The following C20orf96 variants were observed in gnomAD, a reference collection of about 807,000 sequenced individuals.
C20orf96 encodes chromosome 20 open reading frame 96.
In C20orf96, 57 loss-of-function variants were observed where a neutral mutation model predicts 52.6. The ratio of observed to expected loss-of-function variants is 1.08; its 90% CI spans 0.88 to 1.35. The LOEUF is 1.35. C20orf96 is among the 40% of genes most tolerant of loss of function. C20orf96 has a pLI of 0.00. For synonymous variants in C20orf96, 168 were observed against 157.2 expected (o/e 1.07, Z -0.51); for missense variants, 478 against 443.6 (o/e 1.08, Z -0.70).
At chr20:287,699 C>T (rs1004579528) in intron 3 of C20orf96, among the ~76,000 whole-genome samples, 3 of 151,890 alleles carry the variant, frequency 2.0e-5, no homozygotes, top group South Asian at 2.1e-4. Context: ...GAGGCTGAGG[C>T]GGGCAGATTA....
chr20:289,469 C>T lies in C20orf96; in HGVS notation c.187+90G>A, dbSNP rs532121097. ...ATTGTTTATTACATCAGTTAGCCTA[C>T]CCTAATATAAGTGGTGTCACCAAGA... On this transcript the variant is annotated intron_variant, in intron 3 of 10. Transcript: ENST00000360321. The T allele has an allele frequency of 5.0e-6, 4 of 801,782 alleles. No homozygotes were observed. In the South Asian group the frequency reaches 5.5e-5, roughly 11 times the overall value. 49.7% of individuals were successfully genotyped at this position (801,782 alleles called of 1,614,324 possible). A position where few individuals can be genotyped will look rare whatever the true frequency, so the allele number is the denominator to read the frequency against.
intron 5 of C20orf96, 53 bp from the exon 6 acceptor site, chr20:278,482 C>T (rs1417875814): frequency 1.1e-5 from 15 of 1,422,736 alleles, no homozygotes; most frequent in African/African-American, 2.8e-5. Context: ...CTCTCAGAGG[C>T]GGCCACCCAG....
At chr20:272,877 T>C (rs1419192323) in intron 10 of C20orf96, among the ~76,000 whole-genome samples, 1 of 152,210 alleles carries the variant, frequency 6.6e-6, no homozygotes, top group African/African-American at 2.4e-5. Flanking sequence ...TCTGCCACAC[T>C]CTTGGCCAGG....
chr20:278,269 T>C, intron 6 of C20orf96, 61 bp downstream of exon 6: 1 of 1,246,680 alleles, frequency 8.0e-7, no homozygotes, highest in Non-Finnish European at 1.2e-6. Context: ...GTGAATGCTC[T>C]GCTGCTGACC....
Position 271,054 on chromosome 20 carries a change from G to A in C20orf96, c.*153C>T. 3 of 600,082 alleles carry A rather than the reference G, an allele frequency of 5.0e-6. No individual in the cohort carries two copies. The highest frequency in any genetic ancestry group is 3.9e-5 in the South Asian group (2 of 50,778). The allele number at this position is 600,082 out of a possible 1,614,324, so 37.2% of individuals were successfully genotyped here. ...GGGAAGGGGGGAAGAAGGGAGGGAG[G>A]GAGGGAGGGAAAGAAAGAGGGAGGA... On this transcript the variant is annotated 3_prime_UTR_variant, in exon 11 of 11. Transcript: ENST00000360321.
In C20orf96 at chr20:271,097, G is replaced by A; in HGVS notation, c.*110C>T. 1.1e-6 allele frequency: 1 copy of A among 883,994 alleles called. No individual in the cohort carries two copies. The highest frequency in any genetic ancestry group is 1.8e-6 in the Non-Finnish European group (1 of 549,320). 54.8% of individuals were successfully genotyped at this position (883,994 alleles called of 1,614,324 possible). ...AGGGAGGAAGGGCAGAGGGAGCAGG[G>A]AGACTGTAGATCAGGGTCTGAATGG... On this transcript the variant is annotated 3_prime_UTR_variant, in exon 11 of 11. Transcript: ENST00000360321.
Position 271,084 on chromosome 20 carries a change from C to G in C20orf96, c.*123G>C. On this transcript the variant is annotated 3_prime_UTR_variant, in exon 11 of 11. Coordinates refer to ENST00000360321, the MANE Select transcript of C20orf96 (RefSeq NM_153269.3). ...GAGGGAAAGAAAGAGGGAGGAAGGG[C>G]AGAGGGAGCAGGGAGACTGTAGATC... 1.3e-6 allele frequency: 1 copy of G among 755,952 alleles called. No individual in the cohort carries two copies. 46.8% of individuals were successfully genotyped at this position (755,952 alleles called of 1,614,324 possible). A position where few individuals can be genotyped will look rare whatever the true frequency, so the allele number is the denominator to read the frequency against.
chr20:278,296 G>C, intron 6 of C20orf96, 34 bp downstream of exon 6: 1 of 1,531,458 alleles, frequency 6.5e-7, no homozygotes, highest in Non-Finnish European at 9.1e-7. Flanking sequence ...AGGTGCCAGG[G>C]GGGAGGGTCA....
intron 9 of C20orf96, chr20:276,415 C>A: frequency 1.0e-6 from 1 of 985,230 alleles, no homozygotes; most frequent in Non-Finnish European, 1.2e-6. Flanking sequence ...AGTGAAGAGG[C>A]AAGATAATGA....
In C20orf96 at chr20:278,416, A is replaced by C. The variant is rs767775692; in HGVS notation, c.479T>G (p.Ile160Ser). 6.2e-7 allele frequency: 1 copy of C among 1,613,726 alleles called. No individual in the cohort carries two copies. Residue 160 changes from isoleucine (I) to serine (S), a missense_variant, in exon 6 of 11, where the codon ATC becomes AGC. Physicochemically the swap from Ile to Ser is moderately radical, Grantham distance 142 (BLOSUM62 -2). Transcript: ENST00000360321. ...CCTCTTCTTGTTTGAGTACTCCAAG[A>C]TGTCGATGATGGTCTGCGGGAGGGG... is the stretch of plus-strand genomic sequence containing the variant. ...QQDTLATIID[I>S]LEYSNKKRLQ...
In C20orf96 at chr20:274,081, T is replaced by C. The variant is rs191588165; in HGVS notation, c.1031+1887A>G. On this transcript the variant is annotated intron_variant, in intron 10 of 10. Transcript: ENST00000360321. ...AAAAGAAAAAAGAAATGTAGATTCA[T>C]GAGCCCCACTGAGACCTACTGACTT... Among the ~76,000 whole-genome samples, 9 of 152,258 alleles carry C rather than the reference T, an allele frequency of 5.9e-5. No individual in the cohort carries two copies. In the East Asian group the frequency reaches 9.6e-4, roughly 16 times the overall value.
At chr20:274,967 C>T (rs186315427) in intron 10 of C20orf96, among the ~76,000 whole-genome samples, 377 of 152,172 alleles carry the variant, frequency 2.5e-3, no homozygotes, top group African/African-American at 8.4e-3. Flanking sequence ...TACAGGCACC[C>T]GCCACCATGC....
Position 276,337 on chromosome 20 carries a change from G to A in C20orf96, c.913-251C>T, listed in dbSNP as rs1051564470. On this transcript the variant is annotated intron_variant, in intron 9 of 10. Transcript: ENST00000360321. ...AATGGAGACAGGTTACAAAGTGGCG[G>A]GGAATGCTCAATCATGGGAATGAAT... 2.0e-5 allele frequency: 20 copies of A among 985,398 alleles called. No individual in the cohort carries two copies. The African/African-American group carries it at 3.3e-4, about 16-fold the overall frequency. The allele number at this position is 985,398 out of a possible 1,614,324, so 61.0% of individuals were successfully genotyped here. A position where few individuals can be genotyped will look rare whatever the true frequency, so the allele number is the denominator to read the frequency against.
At chr20:280,516 T>C (rs2012226533) in intron 4 of C20orf96, among the ~76,000 whole-genome samples, 1 of 152,272 alleles carries the variant, frequency 6.6e-6, no homozygotes, top group African/African-American at 2.4e-5. Context: ...TTACTAACTC[T>C]ATTTTGCTGA....
chr20:273,700 AC>A (rs1163483584), intron 10 of C20orf96, among the ~76,000 whole-genome samples: 3 of 151,834 alleles, frequency 2.0e-5, no homozygotes, highest in Non-Finnish European at 4.4e-5. Flanking sequence ...ACATGGCAAA[AC>A]CCCGTTTCTA....
At chr20:276,763 C>T (rs367592807) in intron 9 of C20orf96, 30 bp downstream of exon 9, 3 of 1,604,550 alleles carry the variant, frequency 1.9e-6, no homozygotes, top group Non-Finnish European at 2.6e-6. Flanking sequence ...TGCTTCCCTA[C>T]AGGGACCACC....
At chr20:271,479 C>CACAT (rs2011839937) in intron 10 of C20orf96, among the ~76,000 whole-genome samples, 2 of 138,748 alleles carry the variant, frequency 1.4e-5, no homozygotes, top group African/African-American at 5.2e-5. Flanking sequence ...CACACACACA[C>CACAT]ATACACACAC....
Position 277,077 on chromosome 20 carries a change from C to A in C20orf96, c.792G>T (p.Lys264Asn). 5.0e-6 allele frequency: 8 copies of A among 1,613,716 alleles called. No individual in the cohort carries two copies. The highest frequency in any genetic ancestry group is 6.8e-6 in the Non-Finnish European group (8 of 1,179,822). ...VLESLSDKIQ[K>N]KKKKILSSVV... ...CAGAACTCAGAATTTTTTTCTTCTT[C>A]TTCTGAATCTTGTCAGACAAGGATT... is the stretch of plus-strand genomic sequence containing the variant. The change falls in exon 8 of 11, where the codon AAG becomes AAT. Residue 264 changes from lysine (K) to asparagine (N), a missense_variant. Physicochemically the swap from Lys to Asn is moderately conservative, Grantham distance 94. Coordinates refer to ENST00000360321, the MANE Select transcript of C20orf96 (RefSeq NM_153269.3).
In C20orf96 at chr20:277,117, CG is replaced by C; in HGVS notation, c.751del (p.Arg251AlafsTer20). 6.2e-7 allele frequency: 1 copy of C among 1,613,856 alleles called. No homozygotes were observed. Reference sequence around the variant, plus strand: ...AGACAAGGATTCCAGGACCTTTCTGCGCATCTCACCGAGGTCATCCAGCTCA... The same window carrying C: ...AGACAAGGATTCCAGGACCTTTCTGCCATCTCACCGAGGTCATCCAGCTCA... ...QDELDDLGEM[R>X]RKVLESLSDK... On this transcript the variant is annotated frameshift_variant, in exon 8 of 11. Coordinates refer to ENST00000360321, the MANE Select transcript of C20orf96 (RefSeq NM_153269.3). LOFTEE classifies it high-confidence loss of function.
Sources: allele counts gnomAD v4.1 joint callset (sites outside exome capture counted in the v4.1 genomes callset), GRCh38; gene constraint gnomAD v4.1.1; transcripts MANE v1.5; gene names NCBI Gene and HGNC (gene_info 2026-07-23, HGNC 2026-07-21).